ORC4: variants seen among roughly 807,000 people sequenced by gnomAD.
The protein encoded by ORC4 is origin recognition complex, subunit 4 homolog.
Under a neutral mutation model 63.9 loss-of-function variants are expected in ORC4, and 55 were observed. That is an observed-to-expected ratio of 0.86 (90% CI 0.69 to 1.08). The LOEUF is 1.08. ORC4 is among the 50% of genes least tolerant of loss of function. ORC4 has a pLI of 0.00. For missense variants in ORC4, 511 were observed against 504.4 expected (o/e 1.01, Z -0.13); for synonymous variants, 150 against 168.5 (o/e 0.89, Z 0.85).
chr2:147,975,893 C>T lies in ORC4; in HGVS notation c.57+9G>A, dbSNP rs377707046. 2 of 1,476,718 alleles carry T rather than the reference C, an allele frequency of 1.4e-6. No homozygotes were observed. Among genetic ancestry groups the T allele is most frequent in the South Asian group, 1.1e-5 (1 of 88,408 alleles). The allele number at this position is 1,476,718 out of a possible 1,614,324, so 91.5% of individuals were successfully genotyped here. ...AAATATCTTGAGATTAATGAAAATA[C>T]ATACTAACCTGTGAAAGGCACTCTG... is the stretch of plus-strand genomic sequence containing the variant. On this transcript the variant is annotated intron_variant, in intron 2 of 13. Coordinates refer to ENST00000392857, the MANE Select transcript of ORC4 (RefSeq NM_181741.4).
At position 147,939,250 on chromosome 2, in the gene ORC4, T is replaced by TA; in HGVS notation, c.850-3dup. The stretch of plus-strand genomic sequence containing the variant: ...TGTTACTCGATTTAAAGCAAGCATC[T>TA]AGGGAAAGACAGATCAGAAAAACAA... On this transcript the variant is annotated splice_region_variant and splice_polypyrimidine_tract_variant and intron_variant, in intron 10 of 13. Transcript: ENST00000392857. 6.3e-7 allele frequency: 1 copy of TA among 1,591,378 alleles called. No homozygotes were observed.
chr2:148,008,253 A>G (rs1573895746), intron 1 of ORC4, among the ~76,000 whole-genome samples: 2 of 152,346 alleles, frequency 1.3e-5, no homozygotes, highest in East Asian at 3.9e-4. Flanking sequence ...AGATAAATAC[A>G]GAATACTCTA....
chr2:148,000,423 C>T (rs970874039), intron 1 of ORC4, among the ~76,000 whole-genome samples: 9 of 152,216 alleles, frequency 5.9e-5, no homozygotes, highest in African/African-American at 2.2e-4. Context: ...GCTATGAATT[C>T]CTTCAAAGCT....
intron 5 of ORC4, 174 bp from the exon 6 acceptor site, chr2:147,958,557 G>T: frequency 1.7e-6 from 1 of 594,978 alleles, no homozygotes; most frequent in African/African-American, 1.9e-5. Context: ...ATCCTCCTTG[G>T]GATTAGAATG....
intron 4 of ORC4, among the ~76,000 whole-genome samples, chr2:147,969,105 T>C (rs1189774930): frequency 6.6e-6 from 1 of 151,708 alleles, no homozygotes; most frequent in South Asian, 2.1e-4. Context: ...AAGTCAAAAG[T>C]AGAAGAGAGG....
intron 9 of ORC4, among the ~76,000 whole-genome samples, chr2:147,945,394 A>T (rs879322403): frequency 5.3e-5 from 8 of 151,986 alleles, no homozygotes; most frequent in Non-Finnish European, 8.8e-5. Context: ...TGCCTACCTT[A>T]TCTACATGAG....
intron 1 of ORC4, among the ~76,000 whole-genome samples, chr2:147,997,832 T>G (rs1161411397): frequency 6.6e-6 from 1 of 152,202 alleles, no homozygotes; most frequent in Non-Finnish European, 1.5e-5. Flanking sequence ...ACTTTACAAT[T>G]TGAATATATA....
chr2:147,950,519 C>T (rs1457500801), intron 8 of ORC4, among the ~76,000 whole-genome samples: 3 of 152,144 alleles, frequency 2.0e-5, no homozygotes, highest in Non-Finnish European at 4.4e-5. Flanking sequence ...GTAATCCCAG[C>T]ACTTTGGGAG....
chr2:147,958,684 T>A (rs1049504950), intron 5 of ORC4, 107 bp downstream of exon 5: 14 of 685,414 alleles, frequency 2.0e-5, no homozygotes, highest in Non-Finnish European at 3.2e-5. Context: ...AAAACATGGA[T>A]CTAGTTTTCA....
At chr2:148,021,183 C>G, upstream of ORC4, 1 of 190,292 alleles carries the variant, frequency 5.3e-6, no homozygotes, top group South Asian at 7.6e-5. Context: ...TTTAAAGGGA[C>G]AGGACACTAA....
chr2:148,008,916 T>G (rs1231609698), intron 1 of ORC4, among the ~76,000 whole-genome samples: 1 of 152,110 alleles, frequency 6.6e-6, no homozygotes, highest in Non-Finnish European at 1.5e-5. Context: ...CTATTTCTTT[T>G]GCAGCATCGA....
intron 1 of ORC4, among the ~76,000 whole-genome samples, chr2:148,009,169 CA>C (rs1363579122): frequency 4.7e-5 from 7 of 149,102 alleles, no homozygotes; most frequent in South Asian, 2.1e-4. Context: ...AATAGGTGCA[CA>C]AAAAAATAAA....
intron 1 of ORC4, among the ~76,000 whole-genome samples, chr2:148,019,700 C>T (rs1317495402): frequency 6.6e-6 from 1 of 152,166 alleles, no homozygotes; most frequent in African/African-American, 2.4e-5. Context: ...GATGATATTC[C>T]TTCAAAATAT....
intron 1 of ORC4, 126 bp from the exon 2 acceptor site, chr2:147,976,101 T>C: frequency 1.5e-6 from 1 of 650,598 alleles, no homozygotes; most frequent in Non-Finnish European, 2.7e-6. Context: ...CCCTAAGACC[T>C]TCAAAATCTT....
Position 147,931,111 on chromosome 2 carries a change from G to T in ORC4, c.*4399C>A, listed in dbSNP as rs1240186601. ...TATGAGTGAGAATATGCGGTGTTTG[G>T]TTTTTTGTTCTTGTGATAGTTTACT... On this transcript the variant is annotated 3_prime_UTR_variant, in exon 14 of 14. Transcript: ENST00000392857. 1 of 144,692 alleles carries T rather than the reference G, an allele frequency of 6.9e-6. No homozygotes were observed. Among genetic ancestry groups the T allele is most frequent in the Admixed American group, 7.0e-5 (1 of 14,320 alleles). The allele number at this position is 144,692 out of a possible 1,614,324, so 9.0% of individuals were successfully genotyped here.
chr2:147,938,317 AT>A lies in ORC4; in HGVS notation c.1034del (p.Asn345IlefsTer29). ...TCTCACCATTATAGACCATTTGAAAATTAAATGGCTCTTCCTCATAGATGTC... is the reference window on the plus strand; with the variant it reads ...TCTCACCATTATAGACCATTTGAAAATAAATGGCTCTTCCTCATAGATGTC... ...LNDIYEEEPF[N>X]FQMVYNEFQK... is the part of the protein sequence containing the mutation. On this transcript the variant is annotated frameshift_variant, in exon 12 of 14. Coordinates refer to ENST00000392857, the MANE Select transcript of ORC4 (RefSeq NM_181741.4). LOFTEE classifies it high-confidence loss of function. 1 of 1,606,606 alleles carries A rather than the reference AT, an allele frequency of 6.2e-7. No individual in the cohort carries two copies. Among genetic ancestry groups the A allele is most frequent in the Non-Finnish European group, 8.5e-7 (1 of 1,174,006 alleles).
chr2:147,967,501 C>G (rs1050498611), intron 4 of ORC4, among the ~76,000 whole-genome samples: 5 of 150,664 alleles, frequency 3.3e-5, no homozygotes, highest in East Asian at 1.9e-4. Context: ...TAACAACAAA[C>G]TACCCGAAAA....
At chr2:147,944,408 TTTAAG>T (rs1412985078) in intron 9 of ORC4, among the ~76,000 whole-genome samples, 1 of 151,806 alleles carries the variant, frequency 6.6e-6, no homozygotes, top group Non-Finnish European at 1.5e-5. Context: ...GGAACAAAGT[TTTAAG>T]AGAGAAGTGA....
intron 1 of ORC4, among the ~76,000 whole-genome samples, chr2:147,980,508 A>G (rs2105368317): frequency 6.6e-6 from 1 of 152,062 alleles, no homozygotes; most frequent in Non-Finnish European, 1.5e-5. Flanking sequence ...AAACAACAAC[A>G]AAAAAAACTT....
Sources: gnomAD v4.1 joint callset for allele counts (sites outside exome capture counted in the v4.1 genomes callset) on GRCh38, gnomAD v4.1.1 for gene constraint, MANE v1.5 for transcripts, NCBI Gene and HGNC (gene_info 2026-07-23, HGNC 2026-07-21) for gene names.